ZNF805: variants seen among roughly 807,000 people sequenced by gnomAD.
The protein encoded by ZNF805 is CTC-444N24.8.
In ZNF805, 7 loss-of-function variants were observed where a neutral mutation model predicts 13.6. The observed-to-expected ratio is 0.51, with a 90% CI of 0.29 to 0.97. The LOEUF (loss-of-function observed/expected upper bound fraction) is 0.97. Among genes scored for constraint, ZNF805 ranks in the 50% least tolerant of loss-of-function variants. ZNF805 has a pLI of 0.08. For synonymous variants in ZNF805, 293 were observed against 279.8 expected (o/e 1.05, Z -0.47); for missense variants, 604 against 771.0 (o/e 0.78, Z 2.57).
chr19:57,251,183 C>G (rs541563166), intron 3 of ZNF805, among the ~76,000 whole-genome samples: 1 of 152,132 alleles, frequency 6.6e-6, no homozygotes, highest in African/African-American at 2.4e-5. Flanking sequence ...TGCAAATGTT[C>G]TAGTTTGCAA....
rs961221639 is a variant in ZNF805 at position 57,250,994 on chromosome 19, A to G, written c.254-2079A>G. On this transcript the variant is annotated intron_variant, in intron 3 of 3. Coordinates refer to ENST00000414468, the MANE Select transcript of ZNF805 (RefSeq NM_001023563.4). ...CTTCCTTACCCTTGAAGAAAATTCA[A>G]CAATTCAGTGTTCATGGTTCACAGT... Among the ~76,000 whole-genome samples, 3 of 152,214 alleles carry G rather than the reference A, an allele frequency of 2.0e-5. No homozygotes were observed. In the East Asian group the frequency reaches 5.8e-4, roughly 29 times the overall value.
chr19:57,241,041 G>T, intron 1 of ZNF805, 120 bp downstream of exon 1: 1 of 1,132,356 alleles, frequency 8.8e-7, no homozygotes, highest in Non-Finnish European at 1.3e-6. Flanking sequence ...TTTACGAAAC[G>T]TGGAGCAGGC....
rs2087691852 is a variant in ZNF805 at position 57,257,082 on chromosome 19, T to G, written c.*2379T>G. Among the ~76,000 whole-genome samples, 1 of 152,228 alleles carries G rather than the reference T, an allele frequency of 6.6e-6. No homozygotes were observed. Among genetic ancestry groups the G allele is most frequent in the Non-Finnish European group, 1.5e-5 (1 of 68,040 alleles). ...TAGAAGTATATTGTTTAATAGTGTT[T>G]GGAGTATTCCCTGCTATTTGTTATT... On this transcript the variant is annotated 3_prime_UTR_variant, in exon 4 of 4. Coordinates refer to ENST00000414468, the MANE Select transcript of ZNF805 (RefSeq NM_001023563.4).
chr19:57,254,828 TG>T lies in ZNF805; in HGVS notation c.*128del. On this transcript the variant is annotated 3_prime_UTR_variant, in exon 4 of 4. Coordinates refer to ENST00000414468, the MANE Select transcript of ZNF805 (RefSeq NM_001023563.4). ...AAACACCCAGTGGTTATTACGCACT[TG>T]GGAAAACCTTTAGCTCCATCTTTCT... 1.0e-6 allele frequency: 1 copy of T among 981,806 alleles called. No individual in the cohort carries two copies. The allele number at this position is 981,806 out of a possible 1,614,324, so 60.8% of individuals were successfully genotyped here.
chr19:57,253,354 G>A lies in ZNF805; in HGVS notation c.535G>A (p.Gly179Arg). Reference protein sequence around the residue: ...SRIIQDRVSLGDDVHDCDSHG... With the variant: ...SRIIQDRVSLRDDVHDCDSHG... ...GATTATACAGGATCGAGTCTCCTTA[G>A]GAGATGATGTCCATGACTGTGACTC... The change falls in exon 4 of 4, where the codon GGA (glycine) becomes AGA (arginine). Residue 179 changes from glycine to arginine, a missense_variant. This residue lies in a region of ZNF805 where 327 missense variants were observed against 378.2 expected (regional missense o/e 0.86). Coordinates refer to ENST00000414468, the MANE Select transcript of ZNF805 (RefSeq NM_001023563.4). The surrounding 1 kb of genome is among the most constrained non-coding windows in gnomAD (Gnocchi z 4.4). The A allele has an allele frequency of 6.4e-7, 1 of 1,567,506 alleles. No individual in the cohort carries two copies. Among genetic ancestry groups the A allele is most frequent in the Non-Finnish European group, 8.7e-7 (1 of 1,155,546 alleles).
chr19:57,257,696 ATCTTT>A lies in ZNF805; in HGVS notation c.*2995_*2999del, dbSNP rs1161474428. ...CTGTGGTTTTATATCCAGTTTGCGT[ATCTTT>A]TTTTTTTTTTTTTTTTTTTTTTGAG... On this transcript the variant is annotated 3_prime_UTR_variant, in exon 4 of 4. Coordinates refer to ENST00000414468, the MANE Select transcript of ZNF805 (RefSeq NM_001023563.4). Among the ~76,000 whole-genome samples the A allele has an allele frequency of 1.1e-5, 1 of 95,078 alleles. No individual in the cohort carries two copies. Among genetic ancestry groups the A allele is most frequent in the African/African-American group, 4.3e-5 (1 of 23,398 alleles). The allele number at this position is 95,078 out of a possible 152,430, so 62.4% of individuals were successfully genotyped here. A position where few individuals can be genotyped will look rare whatever the true frequency, so the allele number is the denominator to read the frequency against.
chr19:57,241,045 A>C (rs1375693619), intron 1 of ZNF805, 124 bp downstream of exon 1: 2 of 1,091,622 alleles, frequency 1.8e-6, no homozygotes, highest in African/African-American at 3.1e-5. Flanking sequence ...CGAAACGTGG[A>C]GCAGGCTCGT....
chr19:57,244,866 G>A (rs985339565), intron 2 of ZNF805, among the ~76,000 whole-genome samples: 1 of 152,112 alleles, frequency 6.6e-6, no homozygotes, highest in African/African-American at 2.4e-5. Flanking sequence ...GGGCGTGTTT[G>A]AGGCAGCAAA....
In ZNF805 at chr19:57,248,713, A is replaced by G. The variant is rs778564765; in HGVS notation, c.253+13A>G. ...GGCACCTGTCCAGGTAGGAGCCAAGATCTGGGCAGGTCGGAGTCCCTGCTG... is the reference window on the plus strand; with the variant it reads ...GGCACCTGTCCAGGTAGGAGCCAAGGTCTGGGCAGGTCGGAGTCCCTGCTG... On this transcript the variant is annotated intron_variant, in intron 3 of 3. Coordinates refer to ENST00000414468, the MANE Select transcript of ZNF805 (RefSeq NM_001023563.4). The G allele has an allele frequency of 2.3e-5, 37 of 1,576,388 alleles. No individual in the cohort carries two copies. Among genetic ancestry groups the G allele is most frequent in the Non-Finnish European group, 3.0e-5 (35 of 1,159,024 alleles).
chr19:57,245,580 C>A (rs199503292), intron 2 of ZNF805, among the ~76,000 whole-genome samples: 9 of 149,340 alleles, frequency 6.0e-5, no homozygotes, highest in African/African-American at 1.7e-4. Flanking sequence ...GAGATAGAGA[C>A]CATCCTGGCT....
chr19:57,262,648 A>G lies in ZNF805; in HGVS notation c.*7945A>G, dbSNP rs1233654426. The G allele has an allele frequency of 6.0e-6, 1 of 167,124 alleles. No homozygotes were observed. Among genetic ancestry groups the G allele is most frequent in the Middle Eastern group, 3.1e-3 (1 of 318 alleles). The allele number at this position is 167,124 out of a possible 1,614,324, so 10.4% of individuals were successfully genotyped here. A position where few individuals can be genotyped will look rare whatever the true frequency, so the allele number is the denominator to read the frequency against. On this transcript the variant is annotated 3_prime_UTR_variant, in exon 4 of 4. Transcript: ENST00000414468. Reference sequence around the variant, plus strand: ...TGTAGCTTCTGGCTACAACAGAGATAGTTGAAGAATATGGAGTTCGCCATA... The same window carrying G: ...TGTAGCTTCTGGCTACAACAGAGATGGTTGAAGAATATGGAGTTCGCCATA...
At chr19:57,251,381 G>A (rs751968686) in intron 3 of ZNF805, among the ~76,000 whole-genome samples, 1 of 152,102 alleles carries the variant, frequency 6.6e-6, no homozygotes, top group Non-Finnish European at 1.5e-5. Context: ...TGGTAGGGTG[G>A]TTTAGTGTCT....
chr19:57,254,932 A>G lies in ZNF805; in HGVS notation c.*229A>G. 1.9e-6 allele frequency: 1 copy of G among 536,178 alleles called. No individual in the cohort carries two copies. Among genetic ancestry groups the G allele is most frequent in the Non-Finnish European group, 3.4e-6 (1 of 297,526 alleles). 33.2% of individuals were successfully genotyped at this position (536,178 alleles called of 1,614,324 possible). A position where few individuals can be genotyped will look rare whatever the true frequency, so the allele number is the denominator to read the frequency against. ...TGACATAGAAAAGAAAATGAAATGCAGACACTGCTTTTATACTGTTGTCTT... is the reference window on the plus strand; with the variant it reads ...TGACATAGAAAAGAAAATGAAATGCGGACACTGCTTTTATACTGTTGTCTT... On this transcript the variant is annotated 3_prime_UTR_variant, in exon 4 of 4. Transcript: ENST00000414468.
chr19:57,256,349 A>G lies in ZNF805; in HGVS notation c.*1646A>G, dbSNP rs1013886169. 6.6e-6 allele frequency among the ~76,000 whole-genome samples: 1 copy of G among 152,162 alleles called. No individual in the cohort carries two copies. The highest frequency in any genetic ancestry group is 1.5e-5 in the Non-Finnish European group (1 of 67,988). ...TCTAGATGATAACTAACCTCCTAACATGAATTGGAAGGAATTCTCTTCTGT... is the reference window on the plus strand; with the variant it reads ...TCTAGATGATAACTAACCTCCTAACGTGAATTGGAAGGAATTCTCTTCTGT... On this transcript the variant is annotated 3_prime_UTR_variant, in exon 4 of 4. Coordinates refer to ENST00000414468, the MANE Select transcript of ZNF805 (RefSeq NM_001023563.4).
chr19:57,241,041 G>A (rs2087576684), intron 1 of ZNF805, 120 bp downstream of exon 1: 10 of 1,132,356 alleles, frequency 8.8e-6, no homozygotes, highest in Non-Finnish European at 1.3e-5. Flanking sequence ...TTTACGAAAC[G>A]TGGAGCAGGC....
intron 3 of ZNF805, 106 bp from the exon 4 acceptor site, chr19:57,252,967 C>A: frequency 9.7e-7 from 1 of 1,029,544 alleles, no homozygotes; most frequent in Non-Finnish European, 1.3e-6. Flanking sequence ...ATATAACAGA[C>A]ATAAAGGCAC....
At chr19:57,246,756 CAG>C in intron 2 of ZNF805, among the ~76,000 whole-genome samples, 1 of 140,194 alleles carries the variant, frequency 7.1e-6, no homozygotes, top group Middle Eastern at 4.3e-3. Flanking sequence ...AGCCTGATGA[CAG>C]AGCGAGACTT....
chr19:57,245,902 A>G (rs1368627324), intron 2 of ZNF805, among the ~76,000 whole-genome samples: 2 of 152,216 alleles, frequency 1.3e-5, no homozygotes, highest in Non-Finnish European at 2.9e-5. Context: ...CAAACAAAGA[A>G]TTACCTGGAC....
rs1159639375 is a variant in ZNF805 at position 57,260,837 on chromosome 19, AC to A, written c.*6136del. Among the ~76,000 whole-genome samples the A allele has an allele frequency of 6.6e-6, 1 of 152,148 alleles. No homozygotes were observed. Among genetic ancestry groups the A allele is most frequent in the Non-Finnish European group, 1.5e-5 (1 of 68,030 alleles). ...TATATGCATGTATCATGTGGCCATG[AC>A]CTTGGCCGTGGGGATGCACCCATAA... On this transcript the variant is annotated 3_prime_UTR_variant, in exon 4 of 4. Transcript: ENST00000414468.
Sources: gnomAD v4.1 joint callset for allele counts (sites outside exome capture counted in the v4.1 genomes callset) on GRCh38, gnomAD v4.1.1 for gene constraint, gnomAD v4.1.1 regional missense constraint, Gnocchi (gnomAD v3.1) non-coding constraint, MANE v1.5 for transcripts, NCBI Gene and HGNC (gene_info 2026-07-23, HGNC 2026-07-21) for gene names.